PDZD2: variants seen among roughly 807,000 people sequenced by gnomAD.
PDZD2 encodes PDZ domain-containing protein 2.
A neutral mutation model predicts 220.7 loss-of-function variants in PDZD2; 90 were observed. The ratio of observed to expected loss-of-function variants is 0.41; its 90% CI spans 0.34 to 0.49. The LOEUF is 0.49. Ranked by LOEUF, PDZD2 falls within the 20% of genes least tolerant of loss-of-function variation. The probability of loss-of-function intolerance (pLI) is 0.28; values close to 1 mark genes in which losing one functional copy is unlikely to be tolerated. For synonymous variants in PDZD2, 1,375 were observed against 1,450.5 expected, an observed-to-expected ratio of 0.95 and a Z score of 1.18; for missense variants, 3,174 against 3,608.5, an observed-to-expected ratio of 0.88 and a Z score of 3.08.
chr5:31,905,125 C>T (rs1237528878), intron 2 of PDZD2, among the ~76,000 whole-genome samples: 2 of 152,030 alleles, frequency 1.3e-5, no homozygotes, highest in African/African-American at 2.4e-5. Context: ...CTCACCACCA[C>T]GCCCGGCTAA....
At chr5:31,848,175 A>C (rs1035855710) in intron 2 of PDZD2, 1 of 237,090 alleles carries the variant, frequency 4.2e-6, no homozygotes, top group African/African-American at 2.3e-5. Context: ...TTTTCTATGA[A>C]GATTTTTCAG....
chr5:31,969,838 T>C (rs774246121), intron 2 of PDZD2, among the ~76,000 whole-genome samples: 2 of 152,116 alleles, frequency 1.3e-5, no homozygotes, highest in Non-Finnish European at 2.9e-5. Context: ...GACCAGCATT[T>C]TTTTGTGGTG....
At chr5:31,704,486 A>G (rs1369572102) in intron 1 of PDZD2, among the ~76,000 whole-genome samples, 1 of 152,202 alleles carries the variant, frequency 6.6e-6, no homozygotes. Flanking sequence ...ACCCTTCAAA[A>G]TGTGTTTCTT....
chr5:31,709,867 A>G (rs1342978771), intron 1 of PDZD2, among the ~76,000 whole-genome samples: 1 of 152,172 alleles, frequency 6.6e-6, no homozygotes, highest in Admixed American at 6.5e-5. Context: ...GAGGCAGGAA[A>G]ATCGCTTGAA....
rs561496617 is a variant in PDZD2, at chr5:31,688,485, A to T, written c.-361+49048A>T. Among the ~76,000 whole-genome samples the T allele has an allele frequency of 3.9e-5, 6 of 152,290 alleles. No homozygotes were observed. The East Asian group carries it at 9.7e-4, about 25-fold the overall frequency. On this transcript the variant is annotated intron_variant, in intron 1 of 24. Coordinates refer to ENST00000438447, the MANE Select transcript of PDZD2 (RefSeq NM_178140.4). ...GCACCTTGGCTTCTTATTGCTCCTTATCATTCTTTCCCCCTCTGTGGCAAA... is the reference window on the plus strand; with the variant it reads ...GCACCTTGGCTTCTTATTGCTCCTTTTCATTCTTTCCCCCTCTGTGGCAAA...
At chr5:31,849,921 TATATATATATACACATATATATATATAC>T (rs1757855185) in intron 2 of PDZD2, among the ~76,000 whole-genome samples, 2 of 17,002 alleles carry the variant, frequency 1.2e-4, no homozygotes, top group South Asian at 2.2e-3. Context: ...TATATATACA[TATATATATATACACATATATATATATAC>T]ATATATATAT....
At chr5:31,670,720 C>T (rs1472439611) in intron 1 of PDZD2, among the ~76,000 whole-genome samples, 1 of 152,208 alleles carries the variant, frequency 6.6e-6, no homozygotes, top group South Asian at 2.1e-4. Context: ...CGCGCCCGGC[C>T]AGTTTGCGTT....
chr5:31,986,393 G>A (rs1383274240), intron 3 of PDZD2, among the ~76,000 whole-genome samples: 1 of 152,044 alleles, frequency 6.6e-6, no homozygotes, highest in African/African-American at 2.4e-5. Flanking sequence ...TCTCAGCCTC[G>A]AATATTTTAG....
At chr5:31,823,219 C>G (rs1756009647) in intron 2 of PDZD2, 2 of 352,298 alleles carry the variant, frequency 5.7e-6, no homozygotes, top group Non-Finnish European at 1.1e-5. Context: ...GTAATCCCAG[C>G]ACTTTGGGAG....
Position 32,058,621 on chromosome 5 carries a change from C to T in PDZD2, c.2200+518C>T, listed in dbSNP as rs571544471. Among the ~76,000 whole-genome samples, 118 of 148,166 alleles carry T rather than the reference C, an allele frequency of 8.0e-4. 1 individual carries two copies. The highest frequency in any genetic ancestry group is 4.5e-3 in the South Asian group (21 of 4,678). On this transcript the variant is annotated intron_variant, in intron 12 of 24. Transcript: ENST00000438447. Reference sequence around the variant, plus strand: ...CCCGGGAGGCAGAGGTTGCAGTGAGCCGAGATCGTGCCACTGCACTCTAGC... The same window carrying T: ...CCCGGGAGGCAGAGGTTGCAGTGAGTCGAGATCGTGCCACTGCACTCTAGC...
chr5:31,925,902 C>G (rs1744715047), intron 2 of PDZD2, among the ~76,000 whole-genome samples: 1 of 152,070 alleles, frequency 6.6e-6, no homozygotes, highest in Non-Finnish European at 1.5e-5. Context: ...TTAAAACCAC[C>G]ATGAGATACC....
chr5:32,110,919 T>C lies in PDZD2; in HGVS notation c.*2784T>C, dbSNP rs1388486938. The C allele has an allele frequency of 6.6e-6, 1 of 152,166 alleles. No homozygotes were observed. The highest frequency in any genetic ancestry group is 1.5e-5 in the Non-Finnish European group (1 of 68,042). The allele number at this position is 152,166 out of a possible 1,614,324, so 9.4% of individuals were successfully genotyped here. ...GTAATTTTAAAAAAAATAAACACTCTGCTTACTACTTGATTTTTTTTTTCT... is the reference window on the plus strand; with the variant it reads ...GTAATTTTAAAAAAAATAAACACTCCGCTTACTACTTGATTTTTTTTTTCT... On this transcript the variant is annotated 3_prime_UTR_variant, in exon 25 of 25. Transcript: ENST00000438447.
intron 1 of PDZD2, among the ~76,000 whole-genome samples, chr5:31,757,988 T>C (rs1001822835): frequency 6.6e-6 from 1 of 152,240 alleles, no homozygotes; most frequent in South Asian, 2.1e-4. Flanking sequence ...CCAGCTCTTG[T>C]CTGTCTCCCT....
At chr5:31,963,188 T>C (rs1166318569) in intron 2 of PDZD2, among the ~76,000 whole-genome samples, 3 of 152,266 alleles carry the variant, frequency 2.0e-5, no homozygotes, top group African/African-American at 7.2e-5. Flanking sequence ...CTTTGATGTC[T>C]GCAGAGACCT....
At chr5:31,709,311 A>AC (rs891106078) in intron 1 of PDZD2, among the ~76,000 whole-genome samples, 1 of 151,426 alleles carries the variant, frequency 6.6e-6, no homozygotes, top group African/African-American at 2.4e-5. Flanking sequence ...ACGAAATGAG[A>AC]CCCCCATCTC....
intron 2 of PDZD2, among the ~76,000 whole-genome samples, chr5:31,849,015 C>T (rs1019680742): frequency 2.6e-5 from 4 of 152,178 alleles, no homozygotes; most frequent in Admixed American, 2.6e-4. Context: ...TGCCACTGCA[C>T]TCCAGCCTGG....
chr5:31,854,447 C>T (rs577492126), intron 2 of PDZD2, among the ~76,000 whole-genome samples: 2 of 152,298 alleles, frequency 1.3e-5, no homozygotes, highest in African/African-American at 4.8e-5. Context: ...AGCCGAAAGG[C>T]TCTGACCGGG....
chr5:31,923,622 T>G (rs1744485956), intron 2 of PDZD2: 1 of 726,918 alleles, frequency 1.4e-6, no homozygotes, highest in African/African-American at 1.7e-5. Flanking sequence ...TGGGACATCA[T>G]TCAGTCACTA....
intron 2 of PDZD2, among the ~76,000 whole-genome samples, chr5:31,876,962 C>G (rs1264908087): frequency 6.6e-6 from 1 of 152,068 alleles, no homozygotes; most frequent in East Asian, 1.9e-4. Flanking sequence ...CATTTGCATG[C>G]CTTGGAAACT....
Sources: allele counts gnomAD v4.1 joint callset (sites outside exome capture counted in the v4.1 genomes callset), GRCh38; gene constraint gnomAD v4.1.1; transcripts MANE v1.5; gene names NCBI Gene and HGNC (gene_info 2026-07-23, HGNC 2026-07-21).